COL4A6: variants seen among roughly 807,000 people sequenced by gnomAD.
COL4A6 encodes collagen type IV alpha 6 chain, also known as collagen alpha-6(IV) chain.
In COL4A6, 59 loss-of-function variants were observed where a neutral mutation model predicts 126.7. The observed-to-expected ratio is 0.47, with a 90% CI of 0.38 to 0.58. The LOEUF (loss-of-function observed/expected upper bound fraction) is 0.58. COL4A6 is among the 20% of genes least tolerant of loss of function. COL4A6 has a pLI of 0.00. For synonymous variants in COL4A6, 547 were observed against 496.6 expected (o/e 1.10, Z -1.35); for missense variants, 1,285 against 1,337.3 (o/e 0.96, Z 0.61).
At chrX:108,333,792 C>T (rs950648475) in intron 2 of COL4A6, among the ~76,000 whole-genome samples, 6 of 111,081 alleles carry the variant, frequency 5.4e-5, no homozygotes, top group Non-Finnish European at 1.1e-4. Context: ...AGAACCCAAT[C>T]CCATTAACAG....
At chrX:108,237,913 T>C (rs1015589277) in intron 3 of COL4A6, among the ~76,000 whole-genome samples, 54 of 107,134 alleles carry the variant, frequency 5.0e-4, no homozygotes, top group Non-Finnish European at 8.3e-4. Flanking sequence ...TATCTATGTA[T>C]CATTTATCTA....
chrX:108,215,483 T>G, intron 5 of COL4A6, among the ~76,000 whole-genome samples: 1 of 73,602 alleles, frequency 1.4e-5, no homozygotes, highest in South Asian at 5.6e-4. Flanking sequence ...TTGTTTGCCC[T>G]GAAGATCTAC....
chrX:108,227,563 G>T (rs2148282970), intron 3 of COL4A6, among the ~76,000 whole-genome samples: 1 of 105,378 alleles, frequency 9.5e-6, no homozygotes, highest in African/African-American at 3.4e-5. Context: ...GGGTGGGGGG[G>T]CTTTCAAGTC....
intron 3 of COL4A6, among the ~76,000 whole-genome samples, chrX:108,309,801 AACAC>A (rs4036315): frequency 0.056 from 4,530 of 80,752 alleles, 140 homozygotes; most frequent in South Asian, 0.11. Context: ...TAATCCTGGA[AACAC>A]ACACACACAC....
intron 20 of COL4A6, 30 bp from the exon 21 acceptor site, chrX:108,188,707 T>C (rs958713093): frequency 1.2e-5 from 13 of 1,085,225 alleles, no homozygotes; most frequent in African/African-American, 1.9e-5. Flanking sequence ...TAGAACGAAG[T>C]GGGTCATTTT....
At chrX:108,291,551 T>G (rs962611049) in intron 3 of COL4A6, among the ~76,000 whole-genome samples, 2 of 111,466 alleles carry the variant, frequency 1.8e-5, no homozygotes, top group East Asian at 2.8e-4. Context: ...TTTTTCTATT[T>G]TTTTTTTTAC....
intron 3 of COL4A6, chrX:108,269,095 GA>G (rs779380023): frequency 4.4e-5 from 15 of 338,631 alleles, no homozygotes; most frequent in East Asian, 9.1e-5. Flanking sequence ...AGATTAGGCA[GA>G]ACCTCACTGA....
chrX:108,320,490 T>C (rs1290538348), intron 2 of COL4A6, among the ~76,000 whole-genome samples: 2 of 111,257 alleles, frequency 1.8e-5, no homozygotes, highest in African/African-American at 6.6e-5. Context: ...AGGATCTAGG[T>C]TTCCTGTGGA....
At chrX:108,377,272 C>T (rs1290885047) in intron 2 of COL4A6, among the ~76,000 whole-genome samples, 1 of 112,392 alleles carries the variant, frequency 8.9e-6, no homozygotes, top group Non-Finnish European at 1.9e-5. Flanking sequence ...CGGTTTTCCC[C>T]TATCTCAGTA....
intron 2 of COL4A6, among the ~76,000 whole-genome samples, chrX:108,388,589 A>G (rs1489716125): frequency 9.0e-6 from 1 of 110,882 alleles, no homozygotes; most frequent in African/African-American, 3.3e-5. Context: ...TATTGCGTCT[A>G]TTTGATTCTT....
chrX:108,252,213 T>C (rs2036866009), intron 3 of COL4A6, among the ~76,000 whole-genome samples: 2 of 111,006 alleles, frequency 1.8e-5, no homozygotes, highest in African/African-American at 3.3e-5. Context: ...AGATTCCATA[T>C]ATGAGTGAGT....
chrX:108,387,191 T>C (rs140013288), intron 2 of COL4A6, among the ~76,000 whole-genome samples: 335 of 112,377 alleles, frequency 3.0e-3, no homozygotes, highest in African/African-American at 0.011. Context: ...TTTTCTTGGC[T>C]ATGTGGACTC....
chrX:108,405,745 C>T (rs1234851681), intron 2 of COL4A6, among the ~76,000 whole-genome samples: 1 of 110,836 alleles, frequency 9.0e-6, no homozygotes, highest in Non-Finnish European at 1.9e-5. Context: ...CTAGTATTTC[C>T]AATTGCCTTA....
chrX:108,305,238 A>G (rs781213701), intron 3 of COL4A6, among the ~76,000 whole-genome samples: 1 of 112,391 alleles, frequency 8.9e-6, no homozygotes, highest in African/African-American at 3.2e-5. Context: ...TATATGTAGA[A>G]GGGGTGGCAA....
intron 2 of COL4A6, among the ~76,000 whole-genome samples, chrX:108,327,334 C>G (rs2039179693): frequency 9.4e-6 from 1 of 106,894 alleles, no homozygotes; most frequent in Admixed American, 1.0e-4. Flanking sequence ...ACCCCGGCCC[C>G]TTCTATGGAA....
At chrX:108,299,844 GCC>G (rs1336393391) in intron 3 of COL4A6, among the ~76,000 whole-genome samples, 2 of 111,958 alleles carry the variant, frequency 1.8e-5, no homozygotes, top group African/African-American at 6.5e-5. Context: ...CATGGTCACA[GCC>G]AGTAATTCAG....
intron 2 of COL4A6, among the ~76,000 whole-genome samples, chrX:108,432,033 G>T (rs2064181571): frequency 8.9e-6 from 1 of 112,422 alleles, no homozygotes; most frequent in Non-Finnish European, 1.9e-5. Flanking sequence ...TCAAGATCTT[G>T]GCTCTTTGGA....
At chrX:108,324,836 AG>A (rs2039115282) in intron 2 of COL4A6, among the ~76,000 whole-genome samples, 1 of 111,710 alleles carries the variant, frequency 9.0e-6, no homozygotes, top group African/African-American at 3.3e-5. Context: ...CCTCATGACT[AG>A]GGGGAAAAAT....
At chrX:108,184,926 T>C (rs1302662834) in intron 23 of COL4A6, among the ~76,000 whole-genome samples, 2 of 112,213 alleles carry the variant, frequency 1.8e-5, no homozygotes, top group Non-Finnish European at 3.8e-5. Flanking sequence ...AGGTGTCATG[T>C]TATTATAACT....
Sources: gnomAD v4.1 joint callset for allele counts (sites outside exome capture counted in the v4.1 genomes callset) on GRCh38, gnomAD v4.1.1 for gene constraint, MANE v1.5 for transcripts, NCBI Gene and HGNC (gene_info 2026-07-23, HGNC 2026-07-21) for gene names.